The following RBM11 variants were observed in gnomAD, a reference collection of about 807,000 sequenced individuals.
RBM11 encodes the protein RNA binding motif protein 11, also known as splicing regulator RBM11.
Under a neutral mutation model 21.4 loss-of-function variants are expected in RBM11, and 18 were observed. The ratio of observed to expected loss-of-function variants is 0.84; its 90% confidence interval spans 0.58 to 1.25. RBM11 has a LOEUF of 1.25. RBM11 is among the 50% of genes most tolerant of loss of function. The pLI is 0.00. For missense variants in RBM11, 294 were observed against 331.9 expected (o/e 0.89, Z 0.89); for synonymous variants, 120 against 116.3 (o/e 1.03, Z -0.20).
chr21:14,217,092 A>G (rs2020463010), intron 1 of RBM11, among the ~76,000 whole-genome samples: 1 of 152,174 alleles, frequency 6.6e-6, no homozygotes, highest in Non-Finnish European at 1.5e-5. Flanking sequence ...ATAAAAAGAG[A>G]AGGGACATAG....
chr21:14,217,178 T>C (rs183914433), intron 1 of RBM11, among the ~76,000 whole-genome samples: 2 of 152,306 alleles, frequency 1.3e-5, no homozygotes, highest in African/African-American at 2.4e-5. Flanking sequence ...TCCTCAGTGC[T>C]TCAGTTTCCT....
At chr21:14,224,280 A>G in intron 3 of RBM11, 158 bp from the exon 4 acceptor site, 1 of 1,108,370 alleles carries the variant, frequency 9.0e-7, no homozygotes, top group Non-Finnish European at 1.2e-6. Context: ...AATTTTGGGG[A>G]GACATGTCAG....
At chr21:14,221,616 A>G (rs531596031) in intron 3 of RBM11, among the ~76,000 whole-genome samples, 1 of 152,250 alleles carries the variant, frequency 6.6e-6, no homozygotes, top group African/African-American at 2.4e-5. Context: ...TTTTGAAATA[A>G]CTTCTCTGTG....
chr21:14,226,955 G>A lies in RBM11; in HGVS notation c.508G>A (p.Val170Met), dbSNP rs367984491. 4.3e-6 allele frequency: 7 copies of A among 1,613,350 alleles called. No homozygotes were observed. The highest frequency in any genetic ancestry group is 2.2e-5 in the East Asian group (1 of 44,878). ...AGCTCCACTTCCTAATAGTGCATCC[G>A]TGTCTTCCTCACTGAATCATGTTCC... The part of the protein sequence containing the change: ...MTAPLPNSAS[V>M]SSSLNHVPDL... Residue 170 changes from valine to methionine, a missense_variant, in exon 5 of 5, where the codon GTG becomes ATG. Transcript: ENST00000400577.
chr21:14,227,914 CA>C lies in RBM11; in HGVS notation c.*623del, dbSNP rs1979249885. 6.6e-6 allele frequency: 1 copy of C among 152,226 alleles called. No homozygotes were observed. Among genetic ancestry groups the C allele is most frequent in the Non-Finnish European group, 1.5e-5 (1 of 68,132 alleles). The allele number at this position is 152,226 out of a possible 1,614,324, so 9.4% of individuals were successfully genotyped here. A position where few individuals can be genotyped will look rare whatever the true frequency, so the allele number is the denominator to read the frequency against. Reference sequence around the variant, plus strand: ...ACTTTTGGATCATTCCCTTTTTATACAATTGTGTATTTATAGGGATACCTTC... The same window carrying C: ...ACTTTTGGATCATTCCCTTTTTATACATTGTGTATTTATAGGGATACCTTC... On this transcript the variant is annotated 3_prime_UTR_variant, in exon 5 of 5. Transcript: ENST00000400577.
intron 3 of RBM11, among the ~76,000 whole-genome samples, chr21:14,222,009 C>T (rs1231371843): frequency 6.6e-6 from 1 of 152,112 alleles, no homozygotes; most frequent in Non-Finnish European, 1.5e-5. Context: ...TTTTAAATTT[C>T]TCTTGCTATA....
At chr21:14,224,614 T>C in intron 4 of RBM11, 77 bp downstream of exon 4, 4 of 1,472,786 alleles carry the variant, frequency 2.7e-6, no homozygotes, top group South Asian at 1.4e-5. Flanking sequence ...TTGTAACATA[T>C]GGTGCCCAAA....
chr21:14,227,080 C>T lies in RBM11; in HGVS notation c.633C>T (p.Ser211=), dbSNP rs370200402. 8.7e-6 allele frequency: 14 copies of T among 1,613,082 alleles called. No individual in the cohort carries two copies. In the Admixed American group the frequency reaches 1.0e-4, roughly 12 times the overall value. Residue 211 remains serine, a synonymous_variant, in exon 5 of 5, where the codon TCC becomes TCT. Transcript: ENST00000400577. Reference sequence around the variant, plus strand: ...CAGCTCCACTTCCTAATAGTGCATCCGTGTCTTCCTCACTGAATCATGTTC... The same window carrying T: ...CAGCTCCACTTCCTAATAGTGCATCTGTGTCTTCCTCACTGAATCATGTTC... The part of the protein sequence containing the change: ...QMTAPLPNSA[S]VSSSLNHVPD...
intron 3 of RBM11, among the ~76,000 whole-genome samples, chr21:14,222,575 C>T (rs1002486732): frequency 6.6e-6 from 1 of 152,168 alleles, no homozygotes; most frequent in Non-Finnish European, 1.5e-5. Flanking sequence ...GTGTGCTCCT[C>T]ATCTTCATTC....
At chr21:14,219,748 C>T in intron 2 of RBM11, 23 bp downstream of exon 2, 1 of 1,538,890 alleles carries the variant, frequency 6.5e-7, no homozygotes, top group Non-Finnish European at 8.8e-7. Flanking sequence ...ACTGATTAAT[C>T]TTCAAAGTGT....
At chr21:14,224,997 G>A (rs7277455) in intron 4 of RBM11, among the ~76,000 whole-genome samples, 6,828 of 152,022 alleles carry the variant, frequency 0.045, 462 homozygotes, top group African/African-American at 0.15. Context: ...GTGCACACCC[G>A]TAACCCCAGC....
In RBM11 at chr21:14,227,339, A is replaced by C. The variant is rs1208584407; in HGVS notation, c.*46A>C. On this transcript the variant is annotated 3_prime_UTR_variant, in exon 5 of 5. Transcript: ENST00000400577. ...TACCTACACTGATCTTAGTTCTCTT[A>C]TGAAAAAAATAAGATGTTATCCCAT... 1 of 1,514,154 alleles carries C rather than the reference A, an allele frequency of 6.6e-7. No individual in the cohort carries two copies. Among genetic ancestry groups the C allele is most frequent in the African/African-American group, 1.4e-5 (1 of 71,606 alleles). 93.8% of individuals were successfully genotyped at this position (1,514,154 alleles called of 1,614,324 possible). A position where few individuals can be genotyped will look rare whatever the true frequency, so the allele number is the denominator to read the frequency against.
intron 3 of RBM11, among the ~76,000 whole-genome samples, chr21:14,222,287 C>T (rs1351255206): frequency 6.6e-6 from 1 of 151,626 alleles, no homozygotes; most frequent in Non-Finnish European, 1.5e-5. Flanking sequence ...ACATATAGAT[C>T]TATGTATCTC....
At chr21:14,225,205 C>T (rs11911507) in intron 4 of RBM11, among the ~76,000 whole-genome samples, 81,969 of 152,092 alleles carry the variant, frequency 0.54, 22,492 homozygotes, top group South Asian at 0.65. Flanking sequence ...AAATAGATTG[C>T]TTTTGGACAT....
At chr21:14,222,160 G>A (rs1356328173) in intron 3 of RBM11, among the ~76,000 whole-genome samples, 1 of 151,738 alleles carries the variant, frequency 6.6e-6, no homozygotes, top group Non-Finnish European at 1.5e-5. Context: ...ACTTACACAG[G>A]CTGATAGAAT....
intron 4 of RBM11, among the ~76,000 whole-genome samples, chr21:14,224,988 T>G (rs566180311): frequency 1.3e-5 from 2 of 152,038 alleles, no homozygotes; most frequent in East Asian, 3.9e-4. Context: ...GGCATGGTGG[T>G]GCACACCCGT....
In RBM11 at chr21:14,219,446, G is replaced by T. The variant is rs981520486; in HGVS notation, c.97-117G>T. 6.4e-5 allele frequency: 43 copies of T among 673,660 alleles called. No individual in the cohort carries two copies. In the African/African-American group the frequency reaches 7.6e-4, roughly 12 times the overall value. 41.7% of individuals were successfully genotyped at this position (673,660 alleles called of 1,614,324 possible). On this transcript the variant is annotated intron_variant, in intron 1 of 4. Transcript: ENST00000400577. ...TTATTATTAGAAAGATACATTATTA[G>T]CAGAGCTACATAAAGATATTGCTAA... is the stretch of plus-strand genomic sequence containing the variant.
At chr21:14,217,150 C>G (rs2123385380) in intron 1 of RBM11, among the ~76,000 whole-genome samples, 1 of 152,300 alleles carries the variant, frequency 6.6e-6, no homozygotes, top group African/African-American at 2.4e-5. Flanking sequence ...CAGTGTGACT[C>G]TGAGCCTGTC....
intron 4 of RBM11, among the ~76,000 whole-genome samples, chr21:14,226,655 T>C (rs983874203): frequency 5.3e-5 from 8 of 151,692 alleles, no homozygotes; most frequent in South Asian, 2.1e-4. Context: ...ACTATTTCCA[T>C]TGGATAGCAC....
Sources: allele counts gnomAD v4.1 joint callset (sites outside exome capture counted in the v4.1 genomes callset), GRCh38; gene constraint gnomAD v4.1.1; transcripts MANE v1.5; gene names NCBI Gene and HGNC (gene_info 2026-07-23, HGNC 2026-07-21).